The following TBC1D32 variants were observed in gnomAD, a reference collection of about 807,000 sequenced individuals.
TBC1D32 encodes the protein TBC1 domain family member 32.
TBC1D32 carries 151 observed loss-of-function variants against 170.3 expected under a neutral mutation model. The ratio of observed to expected loss-of-function variants is 0.89; its 90% CI spans 0.78 to 1.01. TBC1D32 has a LOEUF of 1.01. Among genes scored for constraint, TBC1D32 ranks in the 50% least tolerant of loss-of-function variants. The pLI, the probability that TBC1D32 is intolerant of heterozygous loss-of-function variation, is 0.00. For missense variants in TBC1D32, 1,464 were observed against 1,457.1 expected, an observed-to-expected ratio of 1.00 and a Z score of -0.08; for synonymous variants, 498 against 488.0, an observed-to-expected ratio of 1.02 and a Z score of -0.27.
intron 1 of TBC1D32, among the ~76,000 whole-genome samples, chr6:121,329,109 T>C (rs1810860967): frequency 6.6e-6 from 1 of 152,206 alleles, no homozygotes; most frequent in Non-Finnish European, 1.5e-5. Context: ...TATTTGAAAT[T>C]CTTCACATTT....
intron 31 of TBC1D32, among the ~76,000 whole-genome samples, chr6:121,084,123 C>A (rs964752962): frequency 2.0e-5 from 3 of 152,136 alleles, no homozygotes; most frequent in Admixed American, 2.0e-4. Flanking sequence ...TCTTGCCTGG[C>A]CTCTTTATCT....
chr6:121,281,554 T>C lies in TBC1D32; in HGVS notation c.1598A>G (p.Lys533Arg). 1 of 1,605,652 alleles carries C rather than the reference T, an allele frequency of 6.2e-7. No homozygotes were observed. The highest frequency in any genetic ancestry group is 2.3e-5 in the East Asian group (1 of 44,302). Residue 533 changes from lysine (K) to arginine (R), a missense_variant, in exon 14 of 32, where the codon AAA becomes AGA. By Grantham distance (26) the Lys-to-Arg change is conservative. Transcript: ENST00000398212. Reference sequence around the variant, plus strand: ...GTAAATAATACGAACCTCATTTCCTTTCATTAAATTGTGAATAGGCTGAAG... The same window carrying C: ...GTAAATAATACGAACCTCATTTCCTCTCATTAAATTGTGAATAGGCTGAAG... The part of the protein sequence containing the change: ...TLLQPIHNLM[K>R]GNEASPNCSE...
At chr6:121,332,540 A>C (rs1811351325) in intron 1 of TBC1D32, among the ~76,000 whole-genome samples, 1 of 152,318 alleles carries the variant, frequency 6.6e-6, no homozygotes, top group Non-Finnish European at 1.5e-5. Context: ...TTGAAAATCT[A>C]GATGAAATGG....
rs1191358364 is a variant in TBC1D32 at position 121,192,081 on chromosome 6, T to TATATATATATATATATATATCTCC, written c.2570+12993_2570+12994insGGAGATATATATATATATATATAT. ...AAACTACCCTTTATATATATATATATATCCTATTAGTTCTATCCTTCTGGG... is the reference window on the plus strand; with the variant it reads ...AAACTACCCTTTATATATATATATATATATATATATATATATATATCTCCATCCTATTAGTTCTATCCTTCTGGG... On this transcript the variant is annotated intron_variant, in intron 22 of 31. Coordinates refer to ENST00000398212, the MANE Select transcript of TBC1D32 (RefSeq NM_152730.6). Among the ~76,000 whole-genome samples, 39 of 132,486 alleles carry TATATATATATATATATATATCTCC rather than the reference T, an allele frequency of 2.9e-4. 3 individuals carry two copies. The highest frequency in any genetic ancestry group is 2.8e-3 in the Admixed American group (28 of 9,926). 86.9% of individuals were successfully genotyped at this position (132,486 alleles called of 152,430 possible).
intron 22 of TBC1D32, among the ~76,000 whole-genome samples, chr6:121,168,712 T>TAAAAAAAAAAA (rs59283869): frequency 1.5e-4 from 14 of 93,890 alleles, no homozygotes; most frequent in South Asian, 4.7e-4. Flanking sequence ...TAGAGTATAA[T>TAAAAAAAAAAA]AAAAAAAAAA....
At chr6:121,255,166 C>T (rs1434874830) in intron 17 of TBC1D32, among the ~76,000 whole-genome samples, 162 bp downstream of exon 17, 2 of 151,858 alleles carry the variant, frequency 1.3e-5, no homozygotes, top group Admixed American at 1.3e-4. Flanking sequence ...ATGAGTATTA[C>T]ATGATCTCTA....
chr6:121,204,673 T>A (rs1792004003), intron 22 of TBC1D32, among the ~76,000 whole-genome samples: 2 of 151,336 alleles, frequency 1.3e-5, no homozygotes, highest in South Asian at 4.1e-4. Flanking sequence ...TGAAAAGTAA[T>A]GATTAACACC....
chr6:121,331,201 G>T (rs755500436), intron 1 of TBC1D32, among the ~76,000 whole-genome samples: 10 of 150,944 alleles, frequency 6.6e-5, no homozygotes, highest in Admixed American at 2.0e-4. Flanking sequence ...TTGGTTTTTT[G>T]TTGTTGTTGT....
intron 15 of TBC1D32, among the ~76,000 whole-genome samples, chr6:121,257,442 C>A (rs1327097851): frequency 1.3e-5 from 2 of 152,026 alleles, no homozygotes; most frequent in African/African-American, 4.8e-5. Context: ...TGATCATTGC[C>A]TACATCCACT....
chr6:121,136,814 C>CATGTGTATGTAAACAAGT (rs947988096), intron 24 of TBC1D32, among the ~76,000 whole-genome samples: 1 of 152,034 alleles, frequency 6.6e-6, no homozygotes, highest in Non-Finnish European at 1.5e-5. Context: ...ATTATATACA[C>CATGTGTATGTAAACAAGT]ATGTGTATGT....
chr6:121,231,998 T>C (rs112294656), intron 20 of TBC1D32, among the ~76,000 whole-genome samples: 2,873 of 152,116 alleles, frequency 0.019, 101 homozygotes, highest in African/African-American at 0.066. Flanking sequence ...TTACCTAAGC[T>C]AATGTCTAGA....
chr6:121,108,761 T>C (rs1348831006), intron 29 of TBC1D32, among the ~76,000 whole-genome samples: 1 of 152,082 alleles, frequency 6.6e-6, no homozygotes, highest in Non-Finnish European at 1.5e-5. Context: ...TCTACTTTGC[T>C]ATGAAAATTA....
At chr6:121,288,843 T>C (rs1008446464) in intron 12 of TBC1D32, among the ~76,000 whole-genome samples, 2 of 152,056 alleles carry the variant, frequency 1.3e-5, no homozygotes, top group African/African-American at 4.8e-5. Context: ...GCAAGGCTGG[T>C]TCAACATACA....
At chr6:121,262,212 T>C (rs546105224) in intron 15 of TBC1D32, among the ~76,000 whole-genome samples, 4 of 152,130 alleles carry the variant, frequency 2.6e-5, no homozygotes, top group Non-Finnish European at 5.9e-5. Context: ...CTTCAGGATA[T>C]CATCCAGGAG....
chr6:121,255,985 C>T, intron 16 of TBC1D32, 99 bp downstream of exon 16: 1 of 1,031,958 alleles, frequency 9.7e-7, no homozygotes, highest in Non-Finnish European at 1.4e-6. Flanking sequence ...GTCATATTTG[C>T]CCCAGTTAAA....
At chr6:121,234,111 T>C (rs1442435950) in intron 20 of TBC1D32, among the ~76,000 whole-genome samples, 1 of 152,194 alleles carries the variant, frequency 6.6e-6, no homozygotes, top group Non-Finnish European at 1.5e-5. Context: ...CTTTATAAGT[T>C]ACCTAATGCT....
intron 6 of TBC1D32, 30 bp downstream of exon 6, chr6:121,304,725 A>C: frequency 1.3e-6 from 2 of 1,563,804 alleles, no homozygotes; most frequent in Non-Finnish European, 8.7e-7. Context: ...AAATGACAAA[A>C]AACATTTTTA....
intron 31 of TBC1D32, among the ~76,000 whole-genome samples, chr6:121,089,066 G>C (rs1229195819): frequency 6.6e-6 from 1 of 152,062 alleles, no homozygotes; most frequent in African/African-American, 2.4e-5. Flanking sequence ...ATAAGTGGTA[G>C]GCACTTAATG....
intron 21 of TBC1D32, among the ~76,000 whole-genome samples, chr6:121,218,412 C>T (rs990156109): frequency 1.1e-4 from 17 of 152,102 alleles, no homozygotes; most frequent in African/African-American, 2.4e-4. Context: ...CCACATGTGA[C>T]GGTTAACACT....
Sources: allele counts gnomAD v4.1 joint callset (sites outside exome capture counted in the v4.1 genomes callset), GRCh38; gene constraint gnomAD v4.1.1; transcripts MANE v1.5; gene names NCBI Gene and HGNC (gene_info 2026-07-23, HGNC 2026-07-21).